The following ANAPC2 variants were observed in gnomAD, a reference collection of about 807,000 sequenced individuals.
ANAPC2 encodes anaphase promoting complex subunit 2, also known as anaphase-promoting complex subunit 2.
Under a neutral mutation model 84.3 loss-of-function variants are expected in ANAPC2, and 29 were observed. The observed-to-expected ratio is 0.34, with a 90% CI of 0.26 to 0.47. The LOEUF (loss-of-function observed/expected upper bound fraction) is 0.47. Among genes scored for constraint, ANAPC2 ranks in the 20% least tolerant of loss-of-function variants. The pLI is 1.00. For synonymous variants in ANAPC2, 571 were observed against 479.4 expected, an observed-to-expected ratio of 1.19 and a Z score of -2.50; for missense variants, 857 against 1,131.7, an observed-to-expected ratio of 0.76 and a Z score of 3.48.
At chr9:137,184,738 C>T (rs1383507962) in intron 4 of ANAPC2, among the ~76,000 whole-genome samples, 175 bp downstream of exon 4, 1 of 147,334 alleles carries the variant, frequency 6.8e-6, no homozygotes, top group Non-Finnish European at 1.5e-5. Flanking sequence ...CACAGGGAGC[C>T]CAGACGCAGA....
At chr9:137,177,474 C>T (rs1235311266) in intron 10 of ANAPC2, among the ~76,000 whole-genome samples, 1 of 152,026 alleles carries the variant, frequency 6.6e-6, no homozygotes, top group Non-Finnish European at 1.5e-5. Flanking sequence ...GATCTATTTA[C>T]GTAGAGGAAT....
chr9:137,185,365 G>GAC (rs1834442041), intron 3 of ANAPC2, among the ~76,000 whole-genome samples: 1 of 152,238 alleles, frequency 6.6e-6, no homozygotes, highest in Non-Finnish European at 1.5e-5. Flanking sequence ...AGACATGACA[G>GAC]ACACACACGA....
At chr9:137,175,619 C>T (rs1276708906) in intron 11 of ANAPC2, 89 bp downstream of exon 11, 59 of 1,525,992 alleles carry the variant, frequency 3.9e-5, no homozygotes, top group Non-Finnish European at 4.7e-5. Flanking sequence ...GCGCAGCTGC[C>T]CCAAACCACA....
Position 137,175,561 on chromosome 9 carries a change from C to T in ANAPC2, c.2021-89G>A, listed in dbSNP as rs576926307. The T allele has an allele frequency of 8.7e-5, 129 of 1,479,388 alleles. No individual in the cohort carries two copies. The Admixed American group carries it at 1.0e-3, about 12-fold the overall frequency. The allele number at this position is 1,479,388 out of a possible 1,614,324, so 91.6% of individuals were successfully genotyped here. A position where few individuals can be genotyped will look rare whatever the true frequency, so the allele number is the denominator to read the frequency against. On this transcript the variant is annotated intron_variant, in intron 11 of 12. Coordinates refer to ENST00000323927, the MANE Select transcript of ANAPC2 (RefSeq NM_013366.4). ...GTCAGCCGAGAGGTCGGGGGGCTCC[C>T]GGGCCACCCTGCCTTGCCCGTGGGA...
At position 137,175,398 on chromosome 9, in the gene ANAPC2, A is replaced by G; in HGVS notation, c.2095T>C (p.Trp699Arg). 1 of 1,609,312 alleles carries G rather than the reference A, an allele frequency of 6.2e-7. No homozygotes were observed. Among genetic ancestry groups the G allele is most frequent in the Non-Finnish European group, 8.5e-7 (1 of 1,178,696 alleles). ...TCACGCAGCACACCCTGCTGCAGCC[A>G]CACGGACATCCGCCGCCGCAGCAGC... Reference protein sequence around the residue: ...VALLRRRMSVWLQQGVLREEP... With the variant: ...VALLRRRMSVRLQQGVLREEP... Residue 699 changes from tryptophan to arginine, a missense_variant, in exon 12 of 13, where the codon TGG becomes CGG. Physicochemically the swap from Trp to Arg is moderately radical, Grantham distance 101. Around this residue, in one of 3 missense-constraint regions of ANAPC2, gnomAD observed 425 missense variants for 595.5 expected, o/e 0.71. Coordinates refer to ENST00000323927, the MANE Select transcript of ANAPC2 (RefSeq NM_013366.4).
At chr9:137,180,605 G>A in intron 8 of ANAPC2, 78 bp from the exon 9 acceptor site, 2 of 1,593,010 alleles carry the variant, frequency 1.3e-6, no homozygotes, top group South Asian at 1.1e-5. Context: ...GCACGGGGGT[G>A]CCCCCCAGGC....
In ANAPC2 at chr9:137,183,883, G is replaced by A. The variant is rs562267079; in HGVS notation, c.1049-92C>T. The A allele has an allele frequency of 3.1e-5, 47 of 1,528,856 alleles. No individual in the cohort carries two copies. In the East Asian group the frequency reaches 5.7e-4, roughly 19 times the overall value. 94.7% of individuals were successfully genotyped at this position (1,528,856 alleles called of 1,614,324 possible). ...GTGTGTGCGGTGTGGGAAAGGACAC[G>A]TGCTTGCCAGCCCCAGGACGATGAT... On this transcript the variant is annotated intron_variant, in intron 4 of 12. Transcript: ENST00000323927.
rs1834169677 is a variant in ANAPC2 at position 137,174,784 on chromosome 9, G to A, written c.*158C>T. On this transcript the variant is annotated 3_prime_UTR_variant, in exon 13 of 13. Transcript: ENST00000323927. The surrounding 1 kb of genome is among the most constrained non-coding windows in gnomAD (Gnocchi z 6.1). ...CCACAAAGCCACCAGGACAGAAAAG[G>A]ATGATCTGACTTGCTTTAATCTGCA... 3.0e-6 allele frequency: 4 copies of A among 1,325,056 alleles called. No homozygotes were observed. Among genetic ancestry groups the A allele is most frequent in the Non-Finnish European group, 3.0e-6 (3 of 1,003,464 alleles). The allele number at this position is 1,325,056 out of a possible 1,614,324, so 82.1% of individuals were successfully genotyped here.
intron 10 of ANAPC2, among the ~76,000 whole-genome samples, chr9:137,177,611 A>C (rs1441282810): frequency 1.3e-5 from 2 of 151,974 alleles, no homozygotes; most frequent in African/African-American, 4.8e-5. Flanking sequence ...AATGGTGAAG[A>C]CTTTTGGGGA....
chr9:137,180,659 C>A (rs1834324260), intron 8 of ANAPC2, 129 bp downstream of exon 8: 3 of 1,567,224 alleles, frequency 1.9e-6, no homozygotes, highest in African/African-American at 2.7e-5. Flanking sequence ...TAGCACACCC[C>A]CAGCCAGGAG....
chr9:137,178,607 G>A (rs1398623273), intron 10 of ANAPC2, among the ~76,000 whole-genome samples: 1 of 152,196 alleles, frequency 6.6e-6, no homozygotes, highest in Non-Finnish European at 1.5e-5. Context: ...GAACACAGCG[G>A]GGCACGGTGC....
Position 137,180,777 on chromosome 9 carries a change from A to G in ANAPC2, c.1610+11T>C, listed in dbSNP as rs1834326717. On this transcript the variant is annotated intron_variant, in intron 8 of 12. Transcript: ENST00000323927. ...CACCCCTGGAGATGGCCAGCGCGTC[A>G]CAGGCCTCACCGCTCGGGGCTGAAG... The G allele has an allele frequency of 6.2e-7, 1 of 1,608,870 alleles. No individual in the cohort carries two copies. The highest frequency in any genetic ancestry group is 1.1e-5 in the South Asian group (1 of 91,032).
At position 137,180,771 on chromosome 9, in the gene ANAPC2, C is replaced by T. The variant is rs200816137; in HGVS notation, c.1610+17G>A. Reference sequence around the variant, plus strand: ...CCCCGGCACCCCTGGAGATGGCCAGCGCGTCACAGGCCTCACCGCTCGGGG... The same window carrying T: ...CCCCGGCACCCCTGGAGATGGCCAGTGCGTCACAGGCCTCACCGCTCGGGG... On this transcript the variant is annotated intron_variant, in intron 8 of 12. Coordinates refer to ENST00000323927, the MANE Select transcript of ANAPC2 (RefSeq NM_013366.4). The T allele has an allele frequency of 2.8e-5, 45 of 1,606,094 alleles. No individual in the cohort carries two copies. The highest frequency in any genetic ancestry group is 8.9e-5 in the East Asian group (4 of 44,794).
rs1185068402 is a variant in ANAPC2, at chr9:137,181,734, T to C, written c.1415A>G (p.Asp472Gly). 6.2e-7 allele frequency: 1 copy of C among 1,612,234 alleles called. No homozygotes were observed. Among genetic ancestry groups the C allele is most frequent in the South Asian group, 1.1e-5 (1 of 91,058 alleles). Reference sequence around the variant, plus strand: ...CCAGTCCTCTGGCTCGCCTGAGTCATCCTCACTGTCCTGGCCTGTCTCCAG... The same window carrying C: ...CCAGTCCTCTGGCTCGCCTGAGTCACCCTCACTGTCCTGGCCTGTCTCCAG... Reference protein sequence around the residue: ...ASLETGQDSEDDSGEPEDWVP... With the variant: ...ASLETGQDSEGDSGEPEDWVP... Residue 472 changes from aspartate to glycine, a missense_variant, in exon 7 of 13, where the codon GAT (aspartate) becomes GGT (glycine). Around this residue, in one of 3 missense-constraint regions of ANAPC2, gnomAD observed 425 missense variants for 595.5 expected, o/e 0.71. Coordinates refer to ENST00000323927, the MANE Select transcript of ANAPC2 (RefSeq NM_013366.4).
chr9:137,185,160 G>T, intron 3 of ANAPC2, 73 bp from the exon 4 acceptor site: 1 of 1,406,172 alleles, frequency 7.1e-7, no homozygotes, highest in Non-Finnish European at 9.3e-7. Flanking sequence ...GCTGGGAGGA[G>T]CCTCACGGCC....
chr9:137,188,315 G>A (rs1256756470), intron 1 of ANAPC2, 101 bp downstream of exon 1: 1 of 1,370,532 alleles, frequency 7.3e-7, no homozygotes, highest in African/African-American at 1.4e-5. Context: ...GGACAGAGGC[G>A]GATGATGGAC....
Position 137,180,855 on chromosome 9 carries a change from A to T in ANAPC2, c.1543T>A (p.Phe515Ile). The T allele has an allele frequency of 1.2e-6, 2 of 1,613,326 alleles. No individual in the cohort carries two copies. The highest frequency in any genetic ancestry group is 1.7e-6 in the Non-Finnish European group (2 of 1,179,946). The change falls in exon 8 of 13, where the codon TTC becomes ATC. Residue 515 changes from phenylalanine (F) to isoleucine (I), a missense_variant. Phe to Ile is a conservative substitution (Grantham distance 21, BLOSUM62 0). Transcript: ENST00000323927. ...LVSIYGSKDL[F>I]INEYRSLLAD... ...AGCAGCGAGCGGTACTCATTGATGA[A>T]GAGGTCCTTGCTGCCGTAGATGCTG...
chr9:137,185,793 C>T (rs1834452885), intron 3 of ANAPC2, among the ~76,000 whole-genome samples: 1 of 152,194 alleles, frequency 6.6e-6, no homozygotes, highest in East Asian at 1.9e-4. Context: ...TGCCTGGAGG[C>T]CCCATGTGAG....
intron 2 of ANAPC2, 168 bp downstream of exon 2, chr9:137,187,313 G>C: frequency 1.2e-6 from 1 of 835,476 alleles, no homozygotes; most frequent in Non-Finnish European, 1.8e-6. Context: ...ACAGAAGAGA[G>C]ACACCTGTGT....
Sources: gnomAD v4.1 joint callset for allele counts (sites outside exome capture counted in the v4.1 genomes callset) on GRCh38, gnomAD v4.1.1 for gene constraint, gnomAD v4.1.1 regional missense constraint, Gnocchi (gnomAD v3.1) non-coding constraint, MANE v1.5 for transcripts, NCBI Gene and HGNC (gene_info 2026-07-23, HGNC 2026-07-21) for gene names.